Variants in COL6A6 observed in about 807,000 individuals in gnomAD.
COL6A6 encodes the protein collagen alpha-6(VI) chain.
In COL6A6, 183 loss-of-function variants were observed where a neutral mutation model predicts 208.6. The ratio of observed to expected loss-of-function variants is 0.88; its 90% CI spans 0.78 to 0.99. The LOEUF (loss-of-function observed/expected upper bound fraction) is 0.99. Among genes scored for constraint, COL6A6 ranks in the 50% least tolerant of loss-of-function variants. The probability of loss-of-function intolerance (pLI) is 0.00; values close to 1 mark genes in which losing one functional copy is unlikely to be tolerated. For synonymous variants in COL6A6, 973 were observed against 1,011.8 expected, an observed-to-expected ratio of 0.96 and a Z score of 0.73; for missense variants, 2,816 against 2,815.2, an observed-to-expected ratio of 1.00 and a Z score of -0.01.
chr3:130,565,326 G>A lies in COL6A6; in HGVS notation c.994G>A (p.Val332Met). 1.2e-6 allele frequency: 2 copies of A among 1,613,976 alleles called. No individual in the cohort carries two copies. Among genetic ancestry groups the A allele is most frequent in the Non-Finnish European group, 1.7e-6 (2 of 1,179,888 alleles). ...GAATGGCAGTCGGAAGAATCAGGGG[G>A]TGCCCCAGATTGCCGTGCTGGTGAC... ...ARNGSRKNQG[V>M]PQIAVLVTHR... is the part of the protein sequence containing the mutation. The change falls in exon 4 of 37, where the codon GTG (valine) becomes ATG (methionine). Residue 332 changes from valine (V) to methionine (M), a missense_variant. Val to Met is a conservative substitution (Grantham distance 21). Coordinates refer to ENST00000358511, the MANE Select transcript of COL6A6 (RefSeq NM_001102608.3).
rs761582683 is a variant in COL6A6, at chr3:130,567,274, C to T, written c.1843+12C>T. ...CTGTACTGAAGAAGGTAAGAGAAAT[C>T]GTGGCTTTACCTACTGACCTTCACT... On this transcript the variant is annotated intron_variant, in intron 5 of 36. Transcript: ENST00000358511. 62 of 1,582,794 alleles carry T rather than the reference C, an allele frequency of 3.9e-5. No individual in the cohort carries two copies. The highest frequency in any genetic ancestry group is 4.9e-5 in the Non-Finnish European group (57 of 1,161,758).
At chr3:130,549,992 G>T (rs2062606914) in intron 1 of COL6A6, among the ~76,000 whole-genome samples, 1 of 152,094 alleles carries the variant, frequency 6.6e-6, no homozygotes, top group African/African-American at 2.4e-5. Context: ...TGATTTATTT[G>T]AGCAGCGTTT....
At chr3:130,534,814 T>C (rs919125608) in intron 1 of COL6A6, among the ~76,000 whole-genome samples, 11 of 152,164 alleles carry the variant, frequency 7.2e-5, no homozygotes, top group African/African-American at 2.7e-4. Context: ...CTTTTCTGGG[T>C]TTAATCGTAG....
At chr3:130,627,123 G>GCATT (rs1386017081) in intron 25 of COL6A6, among the ~76,000 whole-genome samples, 196 bp from the exon 26 acceptor site, 2 of 152,160 alleles carry the variant, frequency 1.3e-5, no homozygotes, top group African/African-American at 4.8e-5. Context: ...TAGGGACAGT[G>GCATT]CATTGTCTGT....
intron 12 of COL6A6, 101 bp downstream of exon 12, chr3:130,589,283 G>A (rs1283889320): frequency 2.9e-6 from 2 of 700,226 alleles, no homozygotes; most frequent in East Asian, 2.8e-5. Flanking sequence ...TCTAAATAGA[G>A]CCTCTTATAT....
rs148474402 is a variant in COL6A6, at chr3:130,656,335, G to A, written c.5734-2341G>A. 3.3e-3 allele frequency among the ~76,000 whole-genome samples: 495 copies of A among 152,176 alleles called. 3 individuals are homozygous for A. Among genetic ancestry groups the A allele is most frequent in the African/African-American group, 0.011 (465 of 41,570 alleles). On this transcript the variant is annotated intron_variant, in intron 33 of 36. Transcript: ENST00000358511. ...AAGGTGAAGAGGAGCTTTATTGAGT[G>A]ACAGAACAGCTCAGAGGAGACCTGC...
intron 1 of COL6A6, among the ~76,000 whole-genome samples, chr3:130,547,832 C>G (rs1203427850): frequency 6.6e-6 from 1 of 152,250 alleles, no homozygotes; most frequent in African/African-American, 2.4e-5. Context: ...GAGTCTCGCT[C>G]TGTCACCCAG....
At chr3:130,518,698 G>A (rs12633870) in intron 1 of COL6A6, among the ~76,000 whole-genome samples, 1 of 152,216 alleles carries the variant, frequency 6.6e-6, no homozygotes, top group East Asian at 1.9e-4. Context: ...TAGAGACGGG[G>A]TTTCTCCATT....
chr3:130,673,230 C>CCCAAAA (rs1553724898), intron 36 of COL6A6, among the ~76,000 whole-genome samples: 3 of 105,438 alleles, frequency 2.8e-5, no homozygotes, highest in Admixed American at 8.5e-5. Context: ...AAAAAAAAAA[C>CCCAAAA]AAAACCCAAG....
chr3:130,648,956 AATT>A lies in COL6A6; in HGVS notation c.5240-109_5240-107del, dbSNP rs910722169. The A allele has an allele frequency of 7.0e-6, 6 of 854,280 alleles. No homozygotes were observed. In the African/African-American group the frequency reaches 1.0e-4, roughly 15 times the overall value. 52.9% of individuals were successfully genotyped at this position (854,280 alleles called of 1,614,324 possible). ...TTTTACATGTTTGTTTTAATACTTA[AATT>A]ATTCTCTTTAAGTATTTGAATGCTT... On this transcript the variant is annotated intron_variant, in intron 32 of 36. Transcript: ENST00000358511.
intron 1 of COL6A6, among the ~76,000 whole-genome samples, chr3:130,520,228 C>T (rs1710983725): frequency 6.6e-6 from 1 of 152,190 alleles, no homozygotes; most frequent in African/African-American, 2.4e-5. Flanking sequence ...TGTCTTTCTA[C>T]TTTCAGCAGA....
At chr3:130,582,378 T>C (rs117357031) in intron 10 of COL6A6, among the ~76,000 whole-genome samples, 1 of 152,318 alleles carries the variant, frequency 6.6e-6, no homozygotes, top group East Asian at 1.9e-4. Flanking sequence ...CATTGTCTAA[T>C]ATTGCTACTT....
chr3:130,602,652 A>G (rs2064059257), intron 20 of COL6A6, among the ~76,000 whole-genome samples: 1 of 152,238 alleles, frequency 6.6e-6, no homozygotes, highest in East Asian at 1.9e-4. Flanking sequence ...AAGACATGTT[A>G]ACACCTGACA....
chr3:130,570,880 T>C lies in COL6A6; in HGVS notation c.2464T>C (p.Tyr822His). The change falls in exon 7 of 37, where the codon TAT becomes CAT. Residue 822 changes from tyrosine (Y) to histidine (H), a missense_variant. By Grantham distance (83) the Tyr-to-His change is moderately conservative. Coordinates refer to ENST00000358511, the MANE Select transcript of COL6A6 (RefSeq NM_001102608.3). The part of the protein sequence containing the change: ...FVIDSSGSID[Y>H]DEYNIMKDFM... ...CATTGATAGCTCTGGCAGTATTGAC[T>C]ATGATGAGTATAATATCATGAAGGA... The C allele has an allele frequency of 1.9e-6, 3 of 1,614,026 alleles. No homozygotes were observed. The highest frequency in any genetic ancestry group is 2.5e-6 in the Non-Finnish European group (3 of 1,179,882).
At position 130,542,131 on chromosome 3, in the gene COL6A6, AT is replaced by A. The variant is rs151311125; in HGVS notation, c.-31-18193del. On this transcript the variant is annotated intron_variant, in intron 1 of 36. Transcript: ENST00000358511. Reference sequence around the variant, plus strand: ...AGGGAACCATCTTTTGGTTTTGTTGATTTTTTTTTTCTATTGATTTCTTTTT... The same window carrying A: ...AGGGAACCATCTTTTGGTTTTGTTGATTTTTTTTTCTATTGATTTCTTTTT... 1.8e-3 allele frequency among the ~76,000 whole-genome samples: 210 copies of A among 119,800 alleles called. No individual in the cohort carries two copies. The East Asian group carries it at 0.023, about 13-fold the overall frequency. The allele number at this position is 119,800 out of a possible 152,430, so 78.6% of individuals were successfully genotyped here.
In COL6A6 at chr3:130,608,889, T is replaced by C. The variant is rs578043196; in HGVS notation, c.4690-13T>C. 6.2e-7 allele frequency: 1 copy of C among 1,610,694 alleles called. No homozygotes were observed. Among genetic ancestry groups the C allele is most frequent in the Non-Finnish European group, 8.5e-7 (1 of 1,178,056 alleles). On this transcript the variant is annotated splice_polypyrimidine_tract_variant and intron_variant, in intron 21 of 36. Transcript: ENST00000358511. ...GGAAACAGTGTTAACAGATTGATTCTTTCTCGCCACAGGGAACAGCAGGCA... is the reference window on the plus strand; with the variant it reads ...GGAAACAGTGTTAACAGATTGATTCCTTCTCGCCACAGGGAACAGCAGGCA...
At position 130,575,235 on chromosome 3, in the gene COL6A6, C is replaced by T. The variant is rs563232809; in HGVS notation, c.3547+710C>T. 2.6e-5 allele frequency among the ~76,000 whole-genome samples: 4 copies of T among 152,054 alleles called. No individual in the cohort carries two copies. In the East Asian group the frequency reaches 5.8e-4, roughly 22 times the overall value. ...TCCCTGCTCTATGGCCATTTTTTTC[C>T]GGGACAAGTTGCCTAACTTCTCTAA... On this transcript the variant is annotated intron_variant, in intron 8 of 36. Transcript: ENST00000358511.
chr3:130,592,469 A>G, intron 13 of COL6A6, 72 bp from the exon 14 acceptor site: 1 of 1,256,150 alleles, frequency 8.0e-7, no homozygotes. Context: ...GTAACAAAAA[A>G]CTTGTCAAGT....
intron 1 of COL6A6, among the ~76,000 whole-genome samples, chr3:130,551,178 C>A (rs1318139547): frequency 2.0e-5 from 3 of 151,816 alleles, no homozygotes; most frequent in Non-Finnish European, 4.4e-5. Flanking sequence ...GTGATGCTGG[C>A]ATCACAGAAT....
Sources: gnomAD v4.1 joint callset for allele counts (sites outside exome capture counted in the v4.1 genomes callset) on GRCh38, gnomAD v4.1.1 for gene constraint, MANE v1.5 for transcripts, NCBI Gene and HGNC (gene_info 2026-07-23, HGNC 2026-07-21) for gene names.